Variants in PCDHA10 observed in about 807,000 individuals in gnomAD.
The protein encoded by PCDHA10 is protocadherin alpha 10.
In PCDHA10, 45 loss-of-function variants were observed where a neutral mutation model predicts 61.2. The ratio of observed to expected loss-of-function variants is 0.74; its 90% CI spans 0.58 to 0.94. The LOEUF (loss-of-function observed/expected upper bound fraction) is 0.94. Among genes scored for constraint, PCDHA10 ranks in the 40% least tolerant of loss-of-function variants. PCDHA10 has a pLI of 0.00. For missense variants in PCDHA10, 1,278 were observed against 1,236.2 expected (o/e 1.03, Z -0.51); for synonymous variants, 602 against 548.8 (o/e 1.10, Z -1.35).
chr5:140,868,478 A>AT (rs1444050987), intron 1 of PCDHA10: 1 of 152,364 alleles, frequency 6.6e-6, no homozygotes, highest in Admixed American at 6.5e-5. Context: ...TAAAACTTCA[A>AT]TTTTTTCTTT....
At chr5:140,888,649 A>G (rs1554183557) in intron 1 of PCDHA10, among the ~76,000 whole-genome samples, 1 of 152,210 alleles carries the variant, frequency 6.6e-6, no homozygotes, top group African/African-American at 2.4e-5. Flanking sequence ...TACTTTCCTG[A>G]GGACACCACC....
At position 140,857,973 on chromosome 5, in the gene PCDHA10, C is replaced by G. The variant is rs114376757; in HGVS notation, c.1925C>G (p.Pro642Arg). The change falls in exon 1 of 4, where the codon CCA becomes CGA. Residue 642 changes from proline to arginine, a missense_variant. Physicochemically the swap from Pro to Arg is moderately radical, Grantham distance 103. Transcript: ENST00000307360. The part of the protein sequence containing the change: ...TTRALDETDS[P>R]RQRLLVLVKD... ...CGCGCTCTGGATGAGACTGACTCGC[C>G]ACGCCAGCGCCTACTGGTGCTGGTG... is the stretch of plus-strand genomic sequence containing the variant. The G allele has an allele frequency of 3.1e-3, 4,989 of 1,596,810 alleles. 388 individuals carry two copies. In the African/African-American group the frequency reaches 0.058, roughly 19 times the overall value.
At chr5:140,966,264 G>C (rs959228779) in intron 1 of PCDHA10, 3 of 347,414 alleles carry the variant, frequency 8.6e-6, no homozygotes, top group Non-Finnish European at 1.5e-5. Flanking sequence ...GTGGAGACTG[G>C]ATGAACTGGA....
intron 1 of PCDHA10, 32 bp downstream of exon 1, chr5:140,858,468 G>A: frequency 6.6e-7 from 1 of 1,521,202 alleles, no homozygotes; most frequent in East Asian, 2.4e-5. Context: ...TTCCTTTTGT[G>A]CTTTATGAAT....
rs530428922 is a variant in PCDHA10, at chr5:140,875,375, A to G, written c.2388+16939A>G. On this transcript the variant is annotated intron_variant, in intron 1 of 3. Transcript: ENST00000307360. ...TGTGATGCTGGAAAAAATTTACTAA[A>G]TATGTACTTACAGAAAAGGGTGACT... 70 of 1,456,838 alleles carry G rather than the reference A, an allele frequency of 4.8e-5. No individual in the cohort carries two copies. The African/African-American group carries it at 9.9e-4, about 21-fold the overall frequency. The allele number at this position is 1,456,838 out of a possible 1,614,324, so 90.2% of individuals were successfully genotyped here. A position where few individuals can be genotyped will look rare whatever the true frequency, so the allele number is the denominator to read the frequency against.
intron 1 of PCDHA10, chr5:140,969,086 G>A: frequency 6.2e-7 from 1 of 1,614,190 alleles, no homozygotes; most frequent in Non-Finnish European, 8.5e-7. Context: ...TGGCCTCAAA[G>A]TGCAGCCTCA....
intron 1 of PCDHA10, chr5:140,881,365 T>A (rs1216010175): frequency 1.0e-6 from 1 of 985,144 alleles, no homozygotes; most frequent in Non-Finnish European, 1.2e-6. Flanking sequence ...GGCTTTCGTA[T>A]GAATTGCAGC....
intron 1 of PCDHA10, among the ~76,000 whole-genome samples, chr5:140,880,783 G>A (rs1296382612): frequency 6.6e-6 from 1 of 152,154 alleles, no homozygotes; most frequent in Non-Finnish European, 1.5e-5. Flanking sequence ...GAATGTTAGA[G>A]GAGTAATATA....
intron 1 of PCDHA10, chr5:140,869,906 A>G: frequency 6.2e-7 from 1 of 1,610,936 alleles, no homozygotes; most frequent in Non-Finnish European, 8.5e-7. Context: ...AACGCCACAG[A>G]CCGAGACGAA....
At chr5:140,883,416 G>A (rs782422692) in intron 1 of PCDHA10, 3 of 1,614,158 alleles carry the variant, frequency 1.9e-6, no homozygotes, top group East Asian at 2.2e-5. Context: ...GGCTCAAATG[G>A]ACAGGTCACC....
At chr5:140,870,325 C>G in intron 1 of PCDHA10, 1 of 1,614,198 alleles carries the variant, frequency 6.2e-7, no homozygotes. Flanking sequence ...CTCGTTGGTG[C>G]TGGACAGCGC....
intron 1 of PCDHA10, among the ~76,000 whole-genome samples, chr5:140,894,646 C>A (rs1481747888): frequency 2.0e-5 from 3 of 151,766 alleles, no homozygotes; most frequent in African/African-American, 7.3e-5. Flanking sequence ...ATTACTGAGT[C>A]TCTCTAATTC....
chr5:140,906,238 C>T (rs1309828775), intron 1 of PCDHA10, among the ~76,000 whole-genome samples: 2 of 152,186 alleles, frequency 1.3e-5, no homozygotes, highest in Non-Finnish European at 2.9e-5. Flanking sequence ...CCCTTGTCAA[C>T]TTGAACCCAT....
At chr5:141,005,689 G>A (rs980293858) in intron 3 of PCDHA10, among the ~76,000 whole-genome samples, 12 of 95,950 alleles carry the variant, frequency 1.3e-4, no homozygotes, top group African/African-American at 4.3e-4. Context: ...GCGACAGAGC[G>A]AAACTCCGTC....
At chr5:140,892,363 G>T (rs1485881453) in intron 1 of PCDHA10, among the ~76,000 whole-genome samples, 1 of 152,120 alleles carries the variant, frequency 6.6e-6, no homozygotes, top group African/African-American at 2.4e-5. Context: ...CAGGCATCTT[G>T]GGGCACTAGC....
chr5:140,998,690 A>G (rs1310258939), intron 3 of PCDHA10, among the ~76,000 whole-genome samples: 1 of 151,696 alleles, frequency 6.6e-6, no homozygotes, highest in Non-Finnish European at 1.5e-5. Flanking sequence ...TCAGCCTCCC[A>G]AGTAGCTGGG....
chr5:140,865,725 A>G (rs1326307411), intron 1 of PCDHA10: 1 of 152,210 alleles, frequency 6.6e-6, no homozygotes, highest in Non-Finnish European at 1.5e-5. Context: ...AGAAGCTGAG[A>G]TGTGTATCTA....
At chr5:140,985,217 G>A (rs1196051994) in intron 3 of PCDHA10, among the ~76,000 whole-genome samples, 3 of 152,206 alleles carry the variant, frequency 2.0e-5, no homozygotes, top group Admixed American at 1.3e-4. Context: ...GATTACAGGC[G>A]TGAGCCACCG....
chr5:140,898,506 G>A (rs1185053384), intron 1 of PCDHA10, among the ~76,000 whole-genome samples: 2 of 152,132 alleles, frequency 1.3e-5, no homozygotes, highest in Admixed American at 1.3e-4. Context: ...TTGTAGATAT[G>A]CGGCGTTATT....
Sources: gnomAD v4.1 joint callset for allele counts (sites outside exome capture counted in the v4.1 genomes callset) on GRCh38, gnomAD v4.1.1 for gene constraint, MANE v1.5 for transcripts, NCBI Gene and HGNC (gene_info 2026-07-23, HGNC 2026-07-21) for gene names.